CNTN5: variants seen among roughly 807,000 people sequenced by gnomAD.
CNTN5 encodes the protein contactin-5.
A neutral mutation model predicts 129.1 loss-of-function variants in CNTN5; 77 were observed. The observed-to-expected ratio is 0.60, with a 90% CI of 0.50 to 0.72. The LOEUF is 0.72. CNTN5 is among the 30% of genes least tolerant of loss of function. CNTN5 has a pLI of 0.00. For missense variants in CNTN5, 1,478 were observed against 1,328.8 expected, an observed-to-expected ratio of 1.11 and a Z score of -1.75; for synonymous variants, 509 against 465.6, an observed-to-expected ratio of 1.09 and a Z score of -1.20.
At chr11:100,127,434 A>C (rs976444939) in intron 13 of CNTN5, among the ~76,000 whole-genome samples, 4 of 151,992 alleles carry the variant, frequency 2.6e-5, no homozygotes, top group African/African-American at 9.7e-5. Flanking sequence ...TTCTTAAAAA[A>C]TAATGTTGTC....
At chr11:99,923,352 G>A (rs753332808) in intron 7 of CNTN5, among the ~76,000 whole-genome samples, 1 of 152,112 alleles carries the variant, frequency 6.6e-6, no homozygotes, top group Non-Finnish European at 1.5e-5. Flanking sequence ...TTTCAGTTTA[G>A]TAATTTTGAA....
intron 1 of CNTN5, among the ~76,000 whole-genome samples, chr11:99,197,529 T>C (rs1309349123): frequency 6.6e-6 from 1 of 152,054 alleles, no homozygotes; most frequent in Non-Finnish European, 1.5e-5. Flanking sequence ...CAAATCAAAA[T>C]CTGATCTATT....
chr11:99,645,803 G>T (rs1393125586), intron 3 of CNTN5, among the ~76,000 whole-genome samples: 2 of 151,524 alleles, frequency 1.3e-5, no homozygotes, highest in African/African-American at 2.4e-5. Flanking sequence ...TGTCGGGGTG[G>T]GGGGCTAGGG....
At chr11:99,077,023 A>G (rs1484739010) in intron 1 of CNTN5, among the ~76,000 whole-genome samples, 2 of 152,094 alleles carry the variant, frequency 1.3e-5, no homozygotes, top group East Asian at 1.9e-4. Flanking sequence ...GGTAGCCCCC[A>G]TGTGTAATTT....
chr11:100,337,115 C>A (rs960201238), intron 21 of CNTN5: 4 of 1,410,398 alleles, frequency 2.8e-6, no homozygotes, highest in South Asian at 1.2e-5. Context: ...AAGACTTCAA[C>A]CAACATTGTT....
In CNTN5 at chr11:99,719,252, A is replaced by G. The variant is rs78805117; in HGVS notation, c.56-100292A>G. Among the ~76,000 whole-genome samples, 923 of 151,994 alleles carry G rather than the reference A, an allele frequency of 6.1e-3. 9 individuals are homozygous for G. The highest frequency in any genetic ancestry group is 0.021 in the African/African-American group (853 of 41,470). ...GAAAATCATCTGAACCCCAGAGATA[A>G]AAGGTTGCAGTGAGCTGAGATCACG... On this transcript the variant is annotated intron_variant, in intron 3 of 24. Coordinates refer to ENST00000524871, the MANE Select transcript of CNTN5 (RefSeq NM_014361.4).
intron 2 of CNTN5, among the ~76,000 whole-genome samples, chr11:99,353,689 G>A (rs1343351546): frequency 6.6e-6 from 1 of 152,150 alleles, no homozygotes; most frequent in Non-Finnish European, 1.5e-5. Flanking sequence ...GGATAGCCAG[G>A]ACTACCAAGA....
At chr11:99,452,536 C>T (rs928775225) in intron 2 of CNTN5, among the ~76,000 whole-genome samples, 1 of 151,888 alleles carries the variant, frequency 6.6e-6, no homozygotes, top group Non-Finnish European at 1.5e-5. Context: ...CCACACCCGG[C>T]TAATTTTTTG....
Position 100,358,340 on chromosome 11 carries a change from G to A in CNTN5, c.*2120G>A, listed in dbSNP as rs1189153080. The A allele has an allele frequency of 6.6e-6, 1 of 151,738 alleles. No individual in the cohort carries two copies. Among genetic ancestry groups the A allele is most frequent in the African/African-American group, 2.4e-5 (1 of 41,368 alleles). The allele number at this position is 151,738 out of a possible 1,614,324, so 9.4% of individuals were successfully genotyped here. A position where few individuals can be genotyped will look rare whatever the true frequency, so the allele number is the denominator to read the frequency against. On this transcript the variant is annotated 3_prime_UTR_variant, in exon 25 of 25. Transcript: ENST00000524871. Reference sequence around the variant, plus strand: ...CAATATTTTTAATTAGCTGATGGATGGTACGTATCTGACAGAGTATTTACA... The same window carrying A: ...CAATATTTTTAATTAGCTGATGGATAGTACGTATCTGACAGAGTATTTACA...
chr11:100,337,081 G>A, intron 21 of CNTN5: 2 of 1,314,208 alleles, frequency 1.5e-6, no homozygotes, highest in Middle Eastern at 2.6e-4. Context: ...AATCACTCTT[G>A]TAGGGATCAT....
chr11:100,049,592 AG>A (rs1346710156), intron 9 of CNTN5, among the ~76,000 whole-genome samples: 3 of 152,162 alleles, frequency 2.0e-5, no homozygotes, highest in African/African-American at 7.2e-5. Context: ...AAACACCAAA[AG>A]CAACGGCAAC....
At chr11:100,247,868 T>A (rs963379028) in intron 16 of CNTN5, among the ~76,000 whole-genome samples, 1 of 152,182 alleles carries the variant, frequency 6.6e-6, no homozygotes, top group African/African-American at 2.4e-5. Context: ...TTGTACTGGA[T>A]GGTTCATTGT....
At chr11:99,786,549 C>A (rs1047411080) in intron 3 of CNTN5, among the ~76,000 whole-genome samples, 2 of 152,112 alleles carry the variant, frequency 1.3e-5, no homozygotes, top group Non-Finnish European at 2.9e-5. Context: ...ATAGCCAAGA[C>A]AATCCTAAGC....
At chr11:99,831,817 C>T (rs554448265) in intron 4 of CNTN5, among the ~76,000 whole-genome samples, 1 of 152,266 alleles carries the variant, frequency 6.6e-6, no homozygotes, top group East Asian at 1.9e-4. Context: ...TGAGTCAGCT[C>T]ATGAGGCACC....
intron 9 of CNTN5, among the ~76,000 whole-genome samples, chr11:100,024,643 G>C (rs78244579): frequency 6.6e-6 from 1 of 152,196 alleles, no homozygotes; most frequent in Non-Finnish European, 1.5e-5. Context: ...CTCAGATGGA[G>C]ATGAGGAACT....
chr11:99,786,123 A>C (rs962980108), intron 3 of CNTN5, among the ~76,000 whole-genome samples: 4 of 152,106 alleles, frequency 2.6e-5, no homozygotes, highest in Non-Finnish European at 5.9e-5. Flanking sequence ...CTCAGCCCCA[A>C]ATCTCCTTAA....
rs193237273 is a variant in CNTN5, at chr11:99,295,732, C to T, written c.-209-29614C>T. On this transcript the variant is annotated intron_variant, in intron 1 of 24. Transcript: ENST00000524871. ...TCTACTAAAAATACAAAAAATTAGCCGGGCGCGGTGGCGGGCGCCTGTAGT... is the reference window on the plus strand; with the variant it reads ...TCTACTAAAAATACAAAAAATTAGCTGGGCGCGGTGGCGGGCGCCTGTAGT... 6.9e-3 allele frequency among the ~76,000 whole-genome samples: 1,039 copies of T among 151,616 alleles called. 8 individuals carry two copies. Among genetic ancestry groups the T allele is most frequent in the African/African-American group, 0.024 (976 of 41,346 alleles).
At chr11:99,188,571 G>T in intron 1 of CNTN5, among the ~76,000 whole-genome samples, 1 of 151,510 alleles carries the variant, frequency 6.6e-6, no homozygotes, top group Non-Finnish European at 1.5e-5. Context: ...TGATTTTAAT[G>T]TTTCTTATAT....
At position 99,314,835 on chromosome 11, in the gene CNTN5, GAA is replaced by G. The variant is rs778067393; in HGVS notation, c.-209-10507_-209-10506del. On this transcript the variant is annotated intron_variant, in intron 1 of 24. Coordinates refer to ENST00000524871, the MANE Select transcript of CNTN5 (RefSeq NM_014361.4). ...TAAGATGGATGCTCTAGTAGGATGT[GAA>G]AAAGATATAGTGGGAAGATAAAGAA... Among the ~76,000 whole-genome samples the G allele has an allele frequency of 7.0e-5, 10 of 143,578 alleles. 1 individual carries two copies. Among genetic ancestry groups the G allele is most frequent in the Non-Finnish European group, 1.4e-4 (9 of 63,578 alleles). 94.2% of individuals were successfully genotyped at this position (143,578 alleles called of 152,430 possible). A position where few individuals can be genotyped will look rare whatever the true frequency, so the allele number is the denominator to read the frequency against.
Sources: gnomAD v4.1 joint callset for allele counts (sites outside exome capture counted in the v4.1 genomes callset) on GRCh38, gnomAD v4.1.1 for gene constraint, MANE v1.5 for transcripts, NCBI Gene and HGNC (gene_info 2026-07-23, HGNC 2026-07-21) for gene names.